The following GRM7 variants were observed in gnomAD, a reference collection of about 807,000 sequenced individuals.
GRM7 encodes the protein glutamate metabotropic receptor 7.
Under a neutral mutation model 84.5 loss-of-function variants are expected in GRM7, and 35 were observed. The ratio of observed to expected loss-of-function variants is 0.41; its 90% CI spans 0.32 to 0.55. The LOEUF is 0.55. GRM7 is among the 20% of genes least tolerant of loss of function. GRM7 has a pLI of 0.19. For synonymous variants in GRM7, 487 were observed against 455.1 expected, an observed-to-expected ratio of 1.07 and a Z score of -0.89; for missense variants, 1,003 against 1,194.6, an observed-to-expected ratio of 0.84 and a Z score of 2.36.
intron 9 of GRM7, among the ~76,000 whole-genome samples, chr3:7,684,837 T>C (rs190252676): frequency 1.3e-3 from 200 of 152,264 alleles, no homozygotes; most frequent in Middle Eastern, 3.4e-3. Context: ...TCAGAGGGCA[T>C]AGGGCTGTAG....
Position 7,741,525 on chromosome 3 carries a change from A to C in GRM7, c.*1119A>C, listed in dbSNP as rs1434788057. On this transcript the variant is annotated 3_prime_UTR_variant, in exon 10 of 10. Coordinates refer to ENST00000357716, the MANE Select transcript of GRM7 (RefSeq NM_000844.4). ...ATGTATCAATAAAATACTTTGGTTA[A>C]CTTTTTTATTTTCTGCAATAAATAT... 1 of 152,544 alleles carries C rather than the reference A, an allele frequency of 6.6e-6. No homozygotes were observed. The highest frequency in any genetic ancestry group is 6.6e-5 in the Admixed American group (1 of 15,254). The allele number at this position is 152,544 out of a possible 1,614,324, so 9.4% of individuals were successfully genotyped here.
intron 4 of GRM7, among the ~76,000 whole-genome samples, chr3:7,349,387 G>A (rs1278910836): frequency 2.0e-5 from 3 of 152,122 alleles, no homozygotes; most frequent in African/African-American, 7.2e-5. Flanking sequence ...CAGAACTCAG[G>A]ATATAATGGC....
chr3:7,473,473 C>G (rs1266061518), intron 7 of GRM7, among the ~76,000 whole-genome samples: 4 of 133,832 alleles, frequency 3.0e-5, no homozygotes. Context: ...AAGACTCTGT[C>G]TCTTAAAAAC....
intron 4 of GRM7, among the ~76,000 whole-genome samples, chr3:7,383,902 C>G (rs1358710428): frequency 6.6e-6 from 1 of 152,102 alleles, no homozygotes; most frequent in African/African-American, 2.4e-5. Flanking sequence ...TGGAGTTTAC[C>G]TTTTTAACCT....
intron 7 of GRM7, among the ~76,000 whole-genome samples, chr3:7,525,605 G>A (rs1252958383): frequency 6.6e-6 from 1 of 152,018 alleles, no homozygotes; most frequent in Non-Finnish European, 1.5e-5. Context: ...TTTGTTGCAA[G>A]GGTATACTGA....
chr3:6,910,960 G>A (rs1696747831), intron 1 of GRM7, among the ~76,000 whole-genome samples: 1 of 152,102 alleles, frequency 6.6e-6, no homozygotes, highest in Non-Finnish European at 1.5e-5. Context: ...ACAAATATTT[G>A]TATCTACCAA....
intron 7 of GRM7, among the ~76,000 whole-genome samples, chr3:7,507,656 AC>A (rs1700078561): frequency 6.6e-6 from 1 of 152,224 alleles, no homozygotes; most frequent in African/African-American, 2.4e-5. Flanking sequence ...CAGTGAATAG[AC>A]CTGAGTTGAT....
At chr3:7,431,072 G>C (rs553313607) in intron 5 of GRM7, among the ~76,000 whole-genome samples, 2 of 152,154 alleles carry the variant, frequency 1.3e-5, no homozygotes, top group South Asian at 4.2e-4. Context: ...GCTTGGCTCT[G>C]AACCAGGGGT....
intron 8 of GRM7, among the ~76,000 whole-genome samples, chr3:7,595,696 G>A (rs143820476): frequency 6.6e-6 from 1 of 152,046 alleles, no homozygotes; most frequent in South Asian, 2.1e-4. Context: ...GAATATAACT[G>A]GGGGTGGGGG....
intron 2 of GRM7, among the ~76,000 whole-genome samples, chr3:7,150,439 T>C (rs545097415): frequency 2.6e-5 from 4 of 152,236 alleles, no homozygotes; most frequent in African/African-American, 9.6e-5. Flanking sequence ...ACAGAGGCCA[T>C]GTAATTGTTT....
At chr3:7,139,764 AT>A (rs923498580) in intron 1 of GRM7, among the ~76,000 whole-genome samples, 2 of 151,948 alleles carry the variant, frequency 1.3e-5, no homozygotes, top group Non-Finnish European at 2.9e-5. Flanking sequence ...CTTGGCAATG[AT>A]TTTTTTGAAC....
At chr3:7,721,218 G>T (rs1382672364) in intron 9 of GRM7, among the ~76,000 whole-genome samples, 2 of 152,012 alleles carry the variant, frequency 1.3e-5, no homozygotes, top group Admixed American at 6.6e-5. Flanking sequence ...CCTTATTTTG[G>T]CAATATTGGT....
chr3:7,146,388 A>C, intron 1 of GRM7, 64 bp from the exon 2 acceptor site: 1 of 1,202,978 alleles, frequency 8.3e-7, no homozygotes, highest in Non-Finnish European at 1.2e-6. Flanking sequence ...AACTGTCATA[A>C]GTATAAATGA....
At chr3:6,870,308 G>A (rs961598751) in intron 1 of GRM7, among the ~76,000 whole-genome samples, 3 of 152,130 alleles carry the variant, frequency 2.0e-5, no homozygotes, top group Non-Finnish European at 2.9e-5. Context: ...AAGCAAGGGA[G>A]TTGGCATAGT....
intron 1 of GRM7, among the ~76,000 whole-genome samples, chr3:6,877,245 G>C (rs1695342304): frequency 6.6e-6 from 1 of 152,116 alleles, no homozygotes; most frequent in African/African-American, 2.4e-5. Flanking sequence ...GCTATACGGA[G>C]GGGTTTGATG....
intron 1 of GRM7, among the ~76,000 whole-genome samples, chr3:6,920,620 C>G (rs1697092653): frequency 1.3e-5 from 2 of 151,890 alleles, no homozygotes; most frequent in African/African-American, 2.4e-5. Flanking sequence ...CTCTGCAGAT[C>G]AAGTCAAATT....
chr3:7,347,891 C>A (rs1344463963), intron 4 of GRM7, among the ~76,000 whole-genome samples: 1 of 152,128 alleles, frequency 6.6e-6, no homozygotes, highest in Non-Finnish European at 1.5e-5. Context: ...CCCTCCACCT[C>A]AATTCTGATC....
At chr3:7,269,453 C>A (rs1043385713) in intron 2 of GRM7, among the ~76,000 whole-genome samples, 32 of 147,380 alleles carry the variant, frequency 2.2e-4, no homozygotes, top group South Asian at 6.6e-4. Flanking sequence ...AACCCCCCCC[C>A]CAGAGAGCAT....
intron 7 of GRM7, among the ~76,000 whole-genome samples, chr3:7,564,822 C>A (rs910487672): frequency 5.9e-5 from 9 of 152,108 alleles, no homozygotes; most frequent in Non-Finnish European, 1.3e-4. Context: ...TGAAGCCAGG[C>A]TTTGAACCCA....
Sources: gnomAD v4.1 joint callset for allele counts (sites outside exome capture counted in the v4.1 genomes callset) on GRCh38, gnomAD v4.1.1 for gene constraint, MANE v1.5 for transcripts, NCBI Gene and HGNC (gene_info 2026-07-23, HGNC 2026-07-21) for gene names.